Variants in THRB observed in about 807,000 individuals in gnomAD.
THRB encodes thyroid hormone receptor beta, also known as nuclear receptor subfamily 1 group A member 2.
A neutral mutation model predicts 47.8 loss-of-function variants in THRB; 12 were observed. The ratio of observed to expected loss-of-function variants is 0.25; its 90% CI spans 0.16 to 0.41. The LOEUF is 0.41. Ranked by LOEUF, THRB falls within the 10% of genes least tolerant of loss-of-function variation. The pLI is 1.00. For missense variants in THRB, 348 were observed against 589.2 expected, an observed-to-expected ratio of 0.59 and a Z score of 4.24; for synonymous variants, 218 against 212.2, an observed-to-expected ratio of 1.03 and a Z score of -0.24.
chr3:24,407,674 A>G (rs1350299082), intron 1 of THRB, among the ~76,000 whole-genome samples: 1 of 151,832 alleles, frequency 6.6e-6, no homozygotes, highest in Non-Finnish European at 1.5e-5. Context: ...GCGTTGGATA[A>G]TCTCAAAGGC....
Position 24,316,026 on chromosome 3 carries a change from T to C in THRB, c.-188-18655A>G, listed in dbSNP as rs114841742. Among the ~76,000 whole-genome samples, 791 of 152,332 alleles carry C rather than the reference T, an allele frequency of 5.2e-3. 8 individuals carry two copies. The highest frequency in any genetic ancestry group is 0.018 in the African/African-American group (765 of 41,574). ...TGAAAGTGCTCCATGTGACAGCTCT[T>C]GTTTGCTCCTGAGGTGCCCAGCTAT... On this transcript the variant is annotated intron_variant, in intron 2 of 10. Coordinates refer to ENST00000646209, the MANE Select transcript of THRB (RefSeq NM_001354712.2).
At chr3:24,236,604 C>A (rs757066956) in intron 3 of THRB, among the ~76,000 whole-genome samples, 20 of 152,104 alleles carry the variant, frequency 1.3e-4, no homozygotes, top group Non-Finnish European at 2.5e-4. Context: ...GCCCACCTCC[C>A]CAGATGCTGT....
intron 1 of THRB, chr3:24,431,185 A>T (rs892207298): frequency 6.6e-6 from 1 of 151,986 alleles, no homozygotes; most frequent in Non-Finnish European, 1.5e-5. Flanking sequence ...CCATAAAGTG[A>T]AATAGTAAGC....
At chr3:24,281,999 C>T (rs201829303) in intron 3 of THRB, among the ~76,000 whole-genome samples, 1 of 136,534 alleles carries the variant, frequency 7.3e-6, no homozygotes, top group Admixed American at 7.1e-5. Context: ...GACTTTAACA[C>T]CCCACCATCA....
At chr3:24,146,569 T>C (rs1003052895) in intron 7 of THRB, 106 bp downstream of exon 7, 2 of 1,211,384 alleles carry the variant, frequency 1.7e-6, no homozygotes, top group South Asian at 2.4e-5. Context: ...TTCCCTTCTC[T>C]GTCTTCTTGG....
At chr3:24,279,518 G>A (rs1478662903) in intron 3 of THRB, among the ~76,000 whole-genome samples, 1 of 151,754 alleles carries the variant, frequency 6.6e-6, no homozygotes. Flanking sequence ...CCGAGTAGCT[G>A]GGACTACAGG....
intron 1 of THRB, among the ~76,000 whole-genome samples, chr3:24,488,183 T>C (rs1697591758): frequency 6.6e-6 from 1 of 152,222 alleles, no homozygotes; most frequent in African/African-American, 2.4e-5. Context: ...TCCACACTTT[T>C]GTTTTAATAA....
At chr3:24,389,098 A>G (rs931238390) in intron 1 of THRB, among the ~76,000 whole-genome samples, 2 of 152,170 alleles carry the variant, frequency 1.3e-5, no homozygotes, top group African/African-American at 4.8e-5. Context: ...TGACGCACAG[A>G]AAGAAGCTGA....
intron 2 of THRB, among the ~76,000 whole-genome samples, chr3:24,316,237 C>T (rs777082131): frequency 1.3e-5 from 2 of 152,112 alleles, no homozygotes; most frequent in South Asian, 2.1e-4. Flanking sequence ...TGCTGGTCAA[C>T]CACCAAAACA....
chr3:24,309,871 A>C (rs17014503), intron 2 of THRB, among the ~76,000 whole-genome samples: 3,558 of 152,316 alleles, frequency 0.023, 118 homozygotes, highest in African/African-American at 0.079. Context: ...CTGATTAAAT[A>C]AATTAAAAAA....
intron 3 of THRB, among the ~76,000 whole-genome samples, chr3:24,258,634 C>G (rs573382169): frequency 1.3e-5 from 2 of 152,278 alleles, no homozygotes; most frequent in African/African-American, 4.8e-5. Flanking sequence ...TTACTGCATA[C>G]GCTGTAGTGC....
chr3:24,332,942 G>T (rs182335176), intron 2 of THRB, among the ~76,000 whole-genome samples: 2 of 152,042 alleles, frequency 1.3e-5, no homozygotes, highest in Non-Finnish European at 1.5e-5. Context: ...AAAATTAGCC[G>T]GGCGTGGTGG....
At chr3:24,482,167 A>G (rs983006561) in intron 1 of THRB, among the ~76,000 whole-genome samples, 3 of 152,220 alleles carry the variant, frequency 2.0e-5, no homozygotes, top group Non-Finnish European at 4.4e-5. Context: ...TCCAAGGTAC[A>G]AGTTTACTCA....
At chr3:24,356,305 C>T (rs753423877) in intron 1 of THRB, among the ~76,000 whole-genome samples, 4 of 152,100 alleles carry the variant, frequency 2.6e-5, no homozygotes, top group Non-Finnish European at 4.4e-5. Flanking sequence ...AAGGTTCCAC[C>T]GGACAGTCCT....
intron 3 of THRB, among the ~76,000 whole-genome samples, chr3:24,296,612 A>G (rs1355383184): frequency 6.6e-6 from 1 of 152,202 alleles, no homozygotes; most frequent in African/African-American, 2.4e-5. Context: ...ACATCCTATG[A>G]CCAGTACAGG....
At chr3:24,437,379 G>A (rs1355945423) in intron 1 of THRB, among the ~76,000 whole-genome samples, 1 of 151,970 alleles carries the variant, frequency 6.6e-6, no homozygotes, top group African/African-American at 2.4e-5. Flanking sequence ...CCCAGAGGCT[G>A]AGAAGGGTAG....
chr3:24,129,804 C>T (rs1308393573), intron 9 of THRB, among the ~76,000 whole-genome samples: 1 of 152,184 alleles, frequency 6.6e-6, no homozygotes, highest in Admixed American at 6.5e-5. Flanking sequence ...CGACAGGGCC[C>T]TGCACTCTAG....
chr3:24,300,026 C>T (rs2056823139), intron 2 of THRB, among the ~76,000 whole-genome samples: 1 of 151,904 alleles, frequency 6.6e-6, no homozygotes, highest in African/African-American at 2.4e-5. Context: ...CTTCAAAAGC[C>T]ACCGATTACA....
At chr3:24,324,745 C>T (rs770736275) in intron 2 of THRB, among the ~76,000 whole-genome samples, 1 of 151,950 alleles carries the variant, frequency 6.6e-6, no homozygotes, top group African/African-American at 2.4e-5. Context: ...CAAGGCCAAG[C>T]TTAAATGAGA....
Sources: allele counts gnomAD v4.1 joint callset (sites outside exome capture counted in the v4.1 genomes callset), GRCh38; gene constraint gnomAD v4.1.1; transcripts MANE v1.5; gene names NCBI Gene and HGNC (gene_info 2026-07-23, HGNC 2026-07-21).